The following OPN4 variants were observed in gnomAD, a reference collection of about 807,000 sequenced individuals.
The protein encoded by OPN4 is opsin 4.
Under a neutral mutation model 49.5 loss-of-function variants are expected in OPN4, and 43 were observed. That is an observed-to-expected ratio of 0.87 (90% CI 0.68 to 1.12). OPN4 has a LOEUF of 1.12. Ranked by LOEUF, OPN4 falls within the 50% of genes most tolerant of loss-of-function variation. The pLI, the probability that OPN4 is intolerant of heterozygous loss-of-function variation, is 0.00. For missense variants in OPN4, 657 were observed against 643.9 expected, an observed-to-expected ratio of 1.02 and a Z score of -0.22; for synonymous variants, 263 against 258.0, an observed-to-expected ratio of 1.02 and a Z score of -0.19.
At chr10:86,658,445 C>T (rs373955578) in intron 3 of OPN4, 39 bp from the exon 4 acceptor site, 197 of 1,604,430 alleles carry the variant, frequency 1.2e-4, no homozygotes, top group Non-Finnish European at 1.6e-4. Flanking sequence ...GTCCCCAGAC[C>T]CTCCTCCCCA....
chr10:86,663,912 C>T, intron 9 of OPN4, 110 bp downstream of exon 9: 1 of 1,306,750 alleles, frequency 7.7e-7, no homozygotes, highest in East Asian at 2.6e-5. Context: ...GGGCGATATC[C>T]TCCAGGAATC....
At chr10:86,662,607 C>A (rs1844041014) in intron 8 of OPN4, among the ~76,000 whole-genome samples, 175 bp downstream of exon 8, 1 of 152,256 alleles carries the variant, frequency 6.6e-6, no homozygotes, top group African/African-American at 2.4e-5. Context: ...AGTTCGTAAT[C>A]CTCCCTGATA....
intron 8 of OPN4, among the ~76,000 whole-genome samples, chr10:86,662,667 C>T (rs1161846614): frequency 1.3e-5 from 2 of 152,348 alleles, no homozygotes; most frequent in East Asian, 1.9e-4. Flanking sequence ...TTCCCAGGAG[C>T]GGGGCCAGGA....
chr10:86,658,135 C>T lies in OPN4; in HGVS notation c.394C>T (p.Leu132Phe). 6.2e-7 allele frequency: 1 copy of T among 1,614,112 alleles called. No individual in the cohort carries two copies. Among genetic ancestry groups the T allele is most frequent in the Non-Finnish European group, 8.5e-7 (1 of 1,180,016 alleles). Residue 132 changes from leucine to phenylalanine, a missense_variant, in exon 3 of 10, where the codon CTC becomes TTC. Physicochemically the swap from Leu to Phe is conservative, Grantham distance 22. Transcript: ENST00000241891. Reference sequence around the variant, plus strand: ...GGCCCCTGTCTTCTTCACCAGTAGCCTCTATAAGCAGTGGCTCTTTGGGGA... The same window carrying T: ...GGCCCCTGTCTTCTTCACCAGTAGCTTCTATAAGCAGTGGCTCTTTGGGGA... Reference protein sequence around the residue: ...TQAPVFFTSSLYKQWLFGETG... With the variant: ...TQAPVFFTSSFYKQWLFGETG...
At chr10:86,662,102 C>T in intron 7 of OPN4, 150 bp from the exon 8 acceptor site, 2 of 634,772 alleles carry the variant, frequency 3.2e-6, no homozygotes, top group Non-Finnish European at 5.4e-6. Flanking sequence ...GTCCTCATCA[C>T]CTGCCATGGT....
intron 2 of OPN4, chr10:86,657,246 G>T (rs377499453): frequency 1.3e-6 from 1 of 780,036 alleles, no homozygotes; most frequent in Admixed American, 1.7e-5. Flanking sequence ...ACGGATGTGC[G>T]TTGCCCCACA....
In OPN4 at chr10:86,659,420, T is replaced by A; in HGVS notation, c.752T>A (p.Ile251Asn). 6.2e-7 allele frequency: 1 copy of A among 1,614,130 alleles called. No homozygotes were observed. Among genetic ancestry groups the A allele is most frequent in the Non-Finnish European group, 8.5e-7 (1 of 1,180,002 alleles). The change falls in exon 5 of 10, where the codon ATC becomes AAC. Residue 251 changes from isoleucine (I) to asparagine (N), a missense_variant. By Grantham distance (149) the Ile-to-Asn change is moderately radical. Transcript: ENST00000241891. ...CFVFFLPLLIIIYCYIFIFRA... is the reference protein window; with the variant it reads ...CFVFFLPLLINIYCYIFIFRA... ...GTGTTCTTCCTCCCTCTGCTTATCA[T>A]CATCTACTGCTACATCTTCATCTTC...
At chr10:86,660,160 T>A in intron 6 of OPN4, 101 bp downstream of exon 6, 2 of 1,317,720 alleles carry the variant, frequency 1.5e-6, no homozygotes, top group Non-Finnish European at 2.1e-6. Flanking sequence ...CGGCCAGCCA[T>A]CCTCGCACCC....
At chr10:86,655,957 G>T (rs1484727847) in intron 1 of OPN4, among the ~76,000 whole-genome samples, 198 bp from the exon 2 acceptor site, 1 of 152,222 alleles carries the variant, frequency 6.6e-6, no homozygotes, top group Non-Finnish European at 1.5e-5. Flanking sequence ...TGTTCTAGGA[G>T]CTTGGGCTGG....
rs1426350785 is a variant in OPN4 at position 86,656,074 on chromosome 10, GA to G, written c.145-79del. 1.8e-5 allele frequency: 28 copies of G among 1,587,608 alleles called. 1 individual carries two copies. The South Asian group carries it at 2.6e-4, about 15-fold the overall frequency. On this transcript the variant is annotated intron_variant, in intron 1 of 9. Transcript: ENST00000241891. ...TCAGTTTTCCCACCTGCCCTGTTGAGAATCCTAACTCTTCCTTCTCAGGACT... is the reference window on the plus strand; with the variant it reads ...TCAGTTTTCCCACCTGCCCTGTTGAGATCCTAACTCTTCCTTCTCAGGACT...
intron 2 of OPN4, chr10:86,657,233 T>C (rs1843890531): frequency 1.3e-6 from 1 of 780,594 alleles, no homozygotes; most frequent in African/African-American, 1.7e-5. Context: ...ATGCAGTAAG[T>C]TCACGGATGT....
chr10:86,656,293 T>C lies in OPN4; in HGVS notation c.283T>C (p.Phe95Leu), dbSNP rs573102269. Residue 95 changes from phenylalanine to leucine, a missense_variant, in exon 2 of 10, where the codon TTC (phenylalanine) becomes CTC (leucine). By Grantham distance (22) the Phe-to-Leu change is conservative (BLOSUM62 0). Coordinates refer to ENST00000241891, the MANE Select transcript of OPN4 (RefSeq NM_033282.4). ...GGGCAACCTGACGGTCATCTATACC[T>C]TCTGCAGGTGCCTGGTTGGTGGTGC... ...MLGNLTVIYT[F>L]CRSRSLRTPA... The C allele has an allele frequency of 3.1e-6, 5 of 1,598,570 alleles. No homozygotes were observed. The Admixed American group carries it at 5.1e-5, about 16-fold the overall frequency.
chr10:86,659,191 G>GCCAGGTCAGGT, intron 4 of OPN4, 106 bp from the exon 5 acceptor site: 1 of 872,664 alleles, frequency 1.1e-6, no homozygotes, highest in Non-Finnish European at 1.8e-6. Context: ...CCAGGTCAGG[G>GCCAGGTCAGGT]CCAGGGCTGT....
chr10:86,657,303 G>A (rs1280034881), intron 2 of OPN4: 9 of 759,178 alleles, frequency 1.2e-5, no homozygotes, highest in Non-Finnish European at 2.0e-5. Context: ...GTCACTTCAT[G>A]AGTGGGAGCA....
chr10:86,663,564 G>A (rs1253132909), intron 8 of OPN4, 95 bp from the exon 9 acceptor site: 1 of 1,204,906 alleles, frequency 8.3e-7, no homozygotes, highest in Non-Finnish European at 1.1e-6. Context: ...ATGAATACCT[G>A]TTGGGAGGAT....
intron 9 of OPN4, among the ~76,000 whole-genome samples, chr10:86,665,431 G>C (rs575427853): frequency 6.6e-6 from 1 of 152,220 alleles, no homozygotes; most frequent in East Asian, 1.9e-4. Flanking sequence ...TGGAAGAGAG[G>C]AGCGGATTGG....
rs966201948 is a variant in OPN4, at chr10:86,658,529, C to T, written c.470C>T (p.Ser157Phe). The part of the protein sequence containing the change: ...AFCGALFGIS[S>F]MITLTAIALD... ...TGTGGAGCTCTCTTTGGCATTTCCT[C>T]CATGATCACCCTGACGGCCATCGCC... The change falls in exon 4 of 10, where the codon TCC becomes TTC. Residue 157 changes from serine (S) to phenylalanine (F), a missense_variant. By Grantham distance (155) the Ser-to-Phe change is radical (BLOSUM62 -2). Transcript: ENST00000241891. 1.2e-6 allele frequency: 2 copies of T among 1,614,118 alleles called. No homozygotes were observed. The highest frequency in any genetic ancestry group is 2.7e-5 in the African/African-American group (2 of 74,940).
At chr10:86,655,862 G>A (rs11202107) in intron 1 of OPN4, among the ~76,000 whole-genome samples, 37,687 of 152,070 alleles carry the variant, frequency 0.25, 5,458 homozygotes, top group South Asian at 0.4. Flanking sequence ...CCAGGGCCAT[G>A]TCCCTGCTTG....
At chr10:86,659,244 A>G (rs998355430) in intron 4 of OPN4, 53 bp from the exon 5 acceptor site, 4 of 1,437,426 alleles carry the variant, frequency 2.8e-6, no homozygotes, top group Admixed American at 3.7e-5. Flanking sequence ...CTGCCAGATA[A>G]GGAGCCGTGG....
Sources: allele counts gnomAD v4.1 joint callset (sites outside exome capture counted in the v4.1 genomes callset), GRCh38; gene constraint gnomAD v4.1.1; transcripts MANE v1.5; gene names NCBI Gene and HGNC (gene_info 2026-07-23, HGNC 2026-07-21).